Variants in KCNQ5 observed in about 807,000 individuals in gnomAD.
The protein encoded by KCNQ5 is potassium voltage-gated channel subfamily KQT member 5.
In KCNQ5, 30 loss-of-function variants were observed where a neutral mutation model predicts 98.2. The observed-to-expected ratio is 0.31, with a 90% confidence interval of 0.23 to 0.41. The LOEUF (loss-of-function observed/expected upper bound fraction) is 0.41, where lower values mean the gene tolerates loss of function less well. KCNQ5 is among the 10% of genes least tolerant of loss of function. The probability of loss-of-function intolerance (pLI) is 1.00; values close to 1 mark genes in which losing one functional copy is unlikely to be tolerated. For missense variants in KCNQ5, 835 were observed against 1,182.5 expected, an observed-to-expected ratio of 0.71 and a Z score of 4.31; for synonymous variants, 458 against 449.4, an observed-to-expected ratio of 1.02 and a Z score of -0.24.
chr6:73,115,281 T>C (rs1456769528), intron 7 of KCNQ5, among the ~76,000 whole-genome samples: 1 of 151,998 alleles, frequency 6.6e-6, no homozygotes, highest in African/African-American at 2.4e-5. Flanking sequence ...GCAAAAAAGA[T>C]AAGAAACATG....
chr6:72,667,206 T>C (rs112261721), intron 1 of KCNQ5, among the ~76,000 whole-genome samples: 42 of 152,284 alleles, frequency 2.8e-4, no homozygotes, highest in African/African-American at 1.0e-3. Context: ...AAAAATTGGA[T>C]CTCATCAAGC....
intron 1 of KCNQ5, among the ~76,000 whole-genome samples, chr6:72,764,646 A>G (rs1385771016): frequency 6.6e-6 from 1 of 151,976 alleles, no homozygotes; most frequent in African/African-American, 2.4e-5. Flanking sequence ...TTATTTTAAA[A>G]TGTACAGTTG....
At chr6:72,976,328 T>C (rs1768159868) in intron 1 of KCNQ5, among the ~76,000 whole-genome samples, 1 of 152,222 alleles carries the variant, frequency 6.6e-6, no homozygotes, top group South Asian at 2.1e-4. Context: ...CACCTTTTAA[T>C]GTGTTTTCAA....
At chr6:72,731,697 A>T (rs929906506) in intron 1 of KCNQ5, among the ~76,000 whole-genome samples, 2 of 152,188 alleles carry the variant, frequency 1.3e-5, no homozygotes, top group African/African-American at 4.8e-5. Flanking sequence ...ATACTTTCCA[A>T]GAAGTCCCAC....
Position 73,172,519 on chromosome 6 carries a change from A to G in KCNQ5, c.1577+2665A>G, listed in dbSNP as rs58694306. Among the ~76,000 whole-genome samples, 1,378 of 152,296 alleles carry G rather than the reference A, an allele frequency of 9.0e-3. 17 individuals carry two copies. The highest frequency in any genetic ancestry group is 0.061 in the East Asian group (315 of 5,186). The stretch of plus-strand genomic sequence containing the variant: ...CATAATTTAAAAACCAACTAATACA[A>G]TTAGCAGCTCTAAAAAGAAGTTTGC... On this transcript the variant is annotated intron_variant, in intron 11 of 13. Coordinates refer to ENST00000370398, the MANE Select transcript of KCNQ5 (RefSeq NM_019842.4).
intron 1 of KCNQ5, among the ~76,000 whole-genome samples, chr6:72,717,447 T>G (rs1467241339): frequency 6.6e-6 from 1 of 152,206 alleles, no homozygotes; most frequent in African/African-American, 2.4e-5. Flanking sequence ...GTCAAAAATT[T>G]TTTAAATATT....
intron 1 of KCNQ5, among the ~76,000 whole-genome samples, chr6:72,800,542 G>C (rs971242501): frequency 6.6e-6 from 1 of 152,060 alleles, no homozygotes; most frequent in Non-Finnish European, 1.5e-5. Flanking sequence ...CTTGCTAGCG[G>C]TCTATCAATT....
chr6:73,167,510 T>A (rs1436826628), intron 10 of KCNQ5, among the ~76,000 whole-genome samples: 1 of 152,178 alleles, frequency 6.6e-6, no homozygotes, highest in Non-Finnish European at 1.5e-5. Context: ...GTACTTACCC[T>A]CTCCAAGCCT....
intron 1 of KCNQ5, among the ~76,000 whole-genome samples, chr6:72,868,055 G>A (rs1201097744): frequency 1.3e-5 from 2 of 152,050 alleles, no homozygotes; most frequent in East Asian, 3.9e-4. Flanking sequence ...ACAGACCAGG[G>A]CCAATCCGTC....
chr6:72,914,616 T>C (rs1249919902), intron 1 of KCNQ5, among the ~76,000 whole-genome samples: 1 of 149,302 alleles, frequency 6.7e-6, no homozygotes, highest in Non-Finnish European at 1.5e-5. Flanking sequence ...TAAATTTAAA[T>C]TTAAATTTAT....
At chr6:72,728,129 CAA>C (rs1049618636) in intron 1 of KCNQ5, among the ~76,000 whole-genome samples, 8 of 152,102 alleles carry the variant, frequency 5.3e-5, no homozygotes, top group Non-Finnish European at 8.8e-5. Flanking sequence ...GTAGGTTATG[CAA>C]AGTCATATAA....
chr6:72,965,005 G>C (rs1767537686), intron 1 of KCNQ5, among the ~76,000 whole-genome samples: 1 of 151,964 alleles, frequency 6.6e-6, no homozygotes, highest in African/African-American at 2.4e-5. Context: ...TAGAAATTGG[G>C]TCTCACTACG....
At position 73,090,444 on chromosome 6, in the gene KCNQ5, A is replaced by G. The variant is rs559348028; in HGVS notation, c.918+12557A>G. ...GTACCAGCAATTTATCTTTGTTTTT[A>G]TTGCATTCACTTTTGGGTTCTTGGT... On this transcript the variant is annotated intron_variant, in intron 5 of 13. Transcript: ENST00000370398. Among the ~76,000 whole-genome samples the G allele has an allele frequency of 2.0e-5, 3 of 152,086 alleles. No individual in the cohort carries two copies. In the South Asian group the frequency reaches 6.2e-4, roughly 32 times the overall value.
At chr6:73,142,996 G>A (rs1263541929) in intron 10 of KCNQ5, among the ~76,000 whole-genome samples, 1 of 152,126 alleles carries the variant, frequency 6.6e-6, no homozygotes, top group East Asian at 1.9e-4. Flanking sequence ...AACTTCTAAC[G>A]CAGCTCTCTT....
At chr6:72,925,666 C>T (rs565529246) in intron 1 of KCNQ5, among the ~76,000 whole-genome samples, 2 of 152,164 alleles carry the variant, frequency 1.3e-5, no homozygotes, top group Admixed American at 6.6e-5. Context: ...TGTTCAACAG[C>T]AGGGTTAAAA....
intron 7 of KCNQ5, among the ~76,000 whole-genome samples, chr6:73,111,982 A>T (rs554873884): frequency 6.6e-6 from 1 of 152,338 alleles, no homozygotes; most frequent in South Asian, 2.1e-4. Flanking sequence ...ATTTGAAGCT[A>T]GCTCCTAATA....
chr6:73,170,302 C>CACA (rs1777957628), intron 11 of KCNQ5, among the ~76,000 whole-genome samples: 1 of 152,008 alleles, frequency 6.6e-6, no homozygotes. Flanking sequence ...GTGACTTAGT[C>CACA]TTATTATCTG....
chr6:72,877,669 T>C (rs1778470581), intron 1 of KCNQ5, among the ~76,000 whole-genome samples: 1 of 152,234 alleles, frequency 6.6e-6, no homozygotes, highest in South Asian at 2.1e-4. Context: ...TGAACTAATT[T>C]ACACTCCCAC....
At chr6:73,180,662 AG>A (rs1355465937) in intron 11 of KCNQ5, among the ~76,000 whole-genome samples, 1 of 152,200 alleles carries the variant, frequency 6.6e-6, no homozygotes, top group Non-Finnish European at 1.5e-5. Context: ...GCCACACATT[AG>A]CATCACCTGA....
Sources: allele counts gnomAD v4.1 joint callset (sites outside exome capture counted in the v4.1 genomes callset), GRCh38; gene constraint gnomAD v4.1.1; transcripts MANE v1.5; gene names NCBI Gene and HGNC (gene_info 2026-07-23, HGNC 2026-07-21).